TUBA1C: variants seen among roughly 807,000 people sequenced by gnomAD.
The protein encoded by TUBA1C is tubulin alpha 1c, also known as tubulin alpha-1C chain.
A neutral mutation model predicts 34.9 loss-of-function variants in TUBA1C; 16 were observed. The ratio of observed to expected loss-of-function variants is 0.46; its 90% CI spans 0.31 to 0.70. The LOEUF is 0.70. TUBA1C is among the 30% of genes least tolerant of loss of function. TUBA1C has a pLI of 0.05. For missense variants in TUBA1C, 329 were observed against 587.3 expected (o/e 0.56, Z 4.55); for synonymous variants, 177 against 215.9 (o/e 0.82, Z 1.58).
At chr12:49,236,658 ATTTC>A (rs1248719890) in intron 1 of TUBA1C, among the ~76,000 whole-genome samples, 2 of 152,202 alleles carry the variant, frequency 1.3e-5, no homozygotes, top group Non-Finnish European at 2.9e-5. Context: ...TCCTTAGGCA[ATTTC>A]ATCACTGTGC....
At chr12:49,264,991 G>A (rs1272282074), upstream of TUBA1C, 19 of 780,796 alleles carry the variant, frequency 2.4e-5, no homozygotes, top group Non-Finnish European at 3.3e-5. Flanking sequence ...AGGTGGGGCC[G>A]CAGCGGCACG....
chr12:49,248,005 G>A (rs145200790), intron 1 of TUBA1C, among the ~76,000 whole-genome samples: 6,738 of 150,978 alleles, frequency 0.045, 164 homozygotes, highest in Middle Eastern at 0.083. Context: ...AGCCAGGTGC[G>A]GTGGCTCACA....
At chr12:49,243,507 G>A (rs975848085) in intron 1 of TUBA1C, among the ~76,000 whole-genome samples, 4 of 152,142 alleles carry the variant, frequency 2.6e-5, no homozygotes, top group East Asian at 1.9e-4. Context: ...GAGCTCCTCC[G>A]TCAGTCATGA....
rs963566642 is a variant in TUBA1C at position 49,273,308 on chromosome 12, TAATAA to T, written c.*85_*89del. 6.2e-7 allele frequency: 1 copy of T among 1,610,414 alleles called. No homozygotes were observed. Among genetic ancestry groups the T allele is most frequent in the Admixed American group, 1.7e-5 (1 of 59,960 alleles). ...GTAAATGTCTATTGCCGTAAATTGT[TAATAA>T]AATTGAAGTTTCCATTTTAAATGTC... On this transcript the variant is annotated 3_prime_UTR_variant, in exon 4 of 4. Transcript: ENST00000301072.
chr12:49,272,953 C>T lies in TUBA1C; in HGVS notation c.1076C>T (p.Pro359Leu). The T allele has an allele frequency of 6.2e-7, 1 of 1,614,230 alleles. No homozygotes were observed. Among genetic ancestry groups the T allele is most frequent in the Non-Finnish European group, 8.5e-7 (1 of 1,180,046 alleles). ...TGFKVGINYQ[P>L]PTVVPGGDLA... is the part of the protein sequence containing the mutation. ...TTCAAGGTTGGCATTAATTACCAGC[C>T]TCCCACTGTGGTGCCTGGCGGAGAC... The change falls in exon 4 of 4, where the codon CCT becomes CTT. Residue 359 changes from proline to leucine, a missense_variant. Pro to Leu is a moderately conservative substitution (Grantham distance 98). Around this residue, in one of 4 missense-constraint regions of TUBA1C, gnomAD observed 140 missense variants for 289.8 expected, o/e 0.48. Transcript: ENST00000301072.
chr12:49,265,299 C>T, intron 1 of TUBA1C, 115 bp downstream of exon 1: 2 of 769,936 alleles, frequency 2.6e-6, no homozygotes, highest in Non-Finnish European at 3.8e-6. Context: ...CTACCCCGGG[C>T]CCCTCCGGTT....
At chr12:49,267,425 G>A (rs188001559) in intron 1 of TUBA1C, among the ~76,000 whole-genome samples, 2 of 152,228 alleles carry the variant, frequency 1.3e-5, no homozygotes, top group East Asian at 1.9e-4. Flanking sequence ...TTGGGAGGCC[G>A]AGGTGAGTAG....
chr12:49,252,494 GA>G (rs1201316701), intron 1 of TUBA1C, among the ~76,000 whole-genome samples: 4 of 152,216 alleles, frequency 2.6e-5, no homozygotes, highest in African/African-American at 9.6e-5. Context: ...GAATAAGGGT[GA>G]AAAGTCATGA....
At chr12:49,232,784 T>C (rs1942510729) in intron 1 of TUBA1C, 1 of 152,180 alleles carries the variant, frequency 6.6e-6, no homozygotes, top group South Asian at 2.1e-4. Flanking sequence ...AAACACTCTG[T>C]CTCCACCACC....
At chr12:49,254,034 G>A (rs554115203) in intron 1 of TUBA1C, among the ~76,000 whole-genome samples, 5 of 152,244 alleles carry the variant, frequency 3.3e-5, no homozygotes, top group South Asian at 2.1e-4. Context: ...AAGGGGAGCC[G>A]GGTGCGGTGA....
chr12:49,235,541 T>G (rs1048167737), intron 1 of TUBA1C, among the ~76,000 whole-genome samples: 3 of 151,764 alleles, frequency 2.0e-5, no homozygotes, highest in African/African-American at 7.3e-5. Context: ...TTGAGACCAG[T>G]CTGGCCAACA....
chr12:49,260,203 G>C (rs1001657681), upstream of TUBA1C, among the ~76,000 whole-genome samples: 2 of 152,146 alleles, frequency 1.3e-5, no homozygotes, highest in Non-Finnish European at 2.9e-5. Context: ...ATGGGGGAAG[G>C]GGGCAAGGGA....
chr12:49,238,959 A>T (rs1036003431), intron 1 of TUBA1C, among the ~76,000 whole-genome samples: 4 of 152,142 alleles, frequency 2.6e-5, no homozygotes, highest in Non-Finnish European at 5.9e-5. Flanking sequence ...GCTTCATTAC[A>T]TAGGAATGAT....
At chr12:49,245,901 C>T (rs550400135) in intron 1 of TUBA1C, among the ~76,000 whole-genome samples, 5 of 150,674 alleles carry the variant, frequency 3.3e-5, no homozygotes, top group African/African-American at 1.2e-4. Context: ...TTGCCACATA[C>T]TTCTTCTTTT....
At chr12:49,270,073 T>C in intron 3 of TUBA1C, 97 bp downstream of exon 3, 1 of 1,605,004 alleles carries the variant, frequency 6.2e-7, no homozygotes, top group Non-Finnish European at 8.5e-7. Context: ...AATGAGACTA[T>C]TTGCATTGCA....
At chr12:49,233,177 G>A (rs1174443431) in intron 1 of TUBA1C, 1 of 152,340 alleles carries the variant, frequency 6.6e-6, no homozygotes, top group Non-Finnish European at 1.5e-5. Context: ...TGGTACACTT[G>A]GTTCAGCAGC....
In TUBA1C at chr12:49,265,164, C is replaced by T. The variant is rs1942888480; in HGVS notation, c.-18C>T. 1.2e-6 allele frequency: 2 copies of T among 1,603,516 alleles called. No homozygotes were observed. The highest frequency in any genetic ancestry group is 1.7e-5 in the Admixed American group (1 of 59,708). On this transcript the variant is annotated 5_prime_UTR_variant, in exon 1 of 4. Transcript: ENST00000301072. ...CCTTCGCCTCCTTCACCGCCGCAGA[C>T]CCCTTCAAGTTCTAGTCATGGTGAG...
intron 1 of TUBA1C, among the ~76,000 whole-genome samples, chr12:49,259,236 TTC>T (rs1260298324): frequency 5.9e-5 from 9 of 151,968 alleles, no homozygotes; most frequent in Non-Finnish European, 8.8e-5. Context: ...TACAAATACT[TTC>T]TTTTTTTTTT....
At position 49,256,879 on chromosome 12, in the gene TUBA1C, G is replaced by A. The variant is rs183544008; in HGVS notation, c.214-12586G>A. ...AAGTGGTTCTATATTAATGTTCTTG[G>A]AGAGAAGACAGTAATTTAGGCCAGG... On this transcript the variant is annotated intron_variant, in intron 1 of 3. Coordinates refer to the TUBA1C transcript ENST00000541364. 3.9e-3 allele frequency among the ~76,000 whole-genome samples: 592 copies of A among 152,156 alleles called. 1 individual carries two copies. Among genetic ancestry groups the A allele is most frequent in the Non-Finnish European group, 6.0e-3 (411 of 68,000 alleles).
Sources: gnomAD v4.1 joint callset for allele counts (sites outside exome capture counted in the v4.1 genomes callset) on GRCh38, gnomAD v4.1.1 for gene constraint, gnomAD v4.1.1 regional missense constraint, MANE v1.5 for transcripts, NCBI Gene and HGNC (gene_info 2026-07-23, HGNC 2026-07-21) for gene names.